Variants in CNTN4 observed in about 807,000 individuals in gnomAD.
The protein encoded by CNTN4 is contactin-4.
CNTN4 carries 77 observed loss-of-function variants against 122.5 expected under a neutral mutation model. The observed-to-expected ratio is 0.63, with a 90% confidence interval of 0.52 to 0.76. The LOEUF (loss-of-function observed/expected upper bound fraction) is 0.76, where lower values mean the gene tolerates loss of function less well. CNTN4 is among the 30% of genes least tolerant of loss of function. The pLI is 0.00. For synonymous variants in CNTN4, 512 were observed against 447.0 expected, an observed-to-expected ratio of 1.15 and a Z score of -1.83; for missense variants, 1,256 against 1,259.1, an observed-to-expected ratio of 1.00 and a Z score of 0.04.
chr3:2,567,124 G>T (rs2079201605), intron 3 of CNTN4, among the ~76,000 whole-genome samples: 1 of 125,008 alleles, frequency 8.0e-6, no homozygotes, highest in East Asian at 2.6e-4. Flanking sequence ...CTTGCTCATT[G>T]TCCAGGCTGG....
chr3:2,203,473 A>T (rs1396116354), intron 2 of CNTN4, among the ~76,000 whole-genome samples: 1 of 152,144 alleles, frequency 6.6e-6, no homozygotes, highest in Non-Finnish European at 1.5e-5. Flanking sequence ...GGAGAAATAG[A>T]TGCTTAAAAA....
At chr3:2,984,534 C>T (rs1194689163) in intron 13 of CNTN4, among the ~76,000 whole-genome samples, 1 of 152,204 alleles carries the variant, frequency 6.6e-6, no homozygotes, top group Non-Finnish European at 1.5e-5. Flanking sequence ...GGTTGGGAAA[C>T]TCTGTCTCAG....
chr3:2,119,307 G>A (rs376597687), intron 2 of CNTN4, among the ~76,000 whole-genome samples: 14 of 152,280 alleles, frequency 9.2e-5, no homozygotes, highest in Admixed American at 1.3e-4. Context: ...CTCTCTCTCC[G>A]TGTATACATC....
intron 7 of CNTN4, among the ~76,000 whole-genome samples, chr3:2,840,066 G>A (rs1250760486): frequency 6.6e-6 from 1 of 152,108 alleles, no homozygotes; most frequent in Non-Finnish European, 1.5e-5. Context: ...CCCAGGTCAA[G>A]CCTCCTCATT....
chr3:2,399,918 A>G (rs2046778305), intron 3 of CNTN4, among the ~76,000 whole-genome samples: 2 of 152,068 alleles, frequency 1.3e-5, no homozygotes, highest in South Asian at 2.1e-4. Context: ...TAACCTCTGC[A>G]TTTTTCTTCA....
intron 3 of CNTN4, among the ~76,000 whole-genome samples, chr3:2,492,690 A>G (rs2076351486): frequency 6.6e-6 from 1 of 152,142 alleles, no homozygotes; most frequent in Non-Finnish European, 1.5e-5. Context: ...TTTTTATTTA[A>G]TCTATTTTTA....
chr3:2,837,960 G>A (rs893547003), intron 7 of CNTN4, among the ~76,000 whole-genome samples: 1 of 152,122 alleles, frequency 6.6e-6, no homozygotes. Flanking sequence ...ATTAATATAA[G>A]TCATCTCATC....
intron 4 of CNTN4, among the ~76,000 whole-genome samples, chr3:2,578,014 G>A (rs2079771137): frequency 1.3e-5 from 2 of 152,152 alleles, no homozygotes; most frequent in African/African-American, 2.4e-5. Flanking sequence ...GGGGCATGTA[G>A]TGGAGAAAGA....
At chr3:2,993,931 C>T (rs1006533441) in intron 14 of CNTN4, among the ~76,000 whole-genome samples, 7 of 152,000 alleles carry the variant, frequency 4.6e-5, no homozygotes, top group South Asian at 2.1e-4. Context: ...AACTTGGATA[C>T]GAGTTGAAAA....
intron 2 of CNTN4, among the ~76,000 whole-genome samples, chr3:2,318,149 C>A (rs2043171645): frequency 6.6e-6 from 1 of 151,196 alleles, no homozygotes; most frequent in Non-Finnish European, 1.5e-5. Flanking sequence ...GATATTGAGG[C>A]CACAGTGTGT....
intron 3 of CNTN4, among the ~76,000 whole-genome samples, chr3:2,480,003 G>C (rs982082444): frequency 6.6e-6 from 1 of 151,770 alleles, no homozygotes; most frequent in Non-Finnish European, 1.5e-5. Context: ...ACATCAGTAG[G>C]CTAAAGAAGA....
intron 7 of CNTN4, among the ~76,000 whole-genome samples, chr3:2,865,148 G>A (rs2093710646): frequency 6.6e-6 from 1 of 152,134 alleles, no homozygotes; most frequent in Non-Finnish European, 1.5e-5. Context: ...CCAGCATGGG[G>A]TTACTTGTAA....
chr3:2,781,527 T>C (rs1317303699), intron 6 of CNTN4, among the ~76,000 whole-genome samples: 1 of 152,000 alleles, frequency 6.6e-6, no homozygotes, highest in Non-Finnish European at 1.5e-5. Context: ...CACATATAGG[T>C]GACTATGGCC....
At chr3:2,567,759 G>T (rs889291699) in intron 3 of CNTN4, among the ~76,000 whole-genome samples, 1 of 152,068 alleles carries the variant, frequency 6.6e-6, no homozygotes, top group Non-Finnish European at 1.5e-5. Context: ...TGTTTTCCTT[G>T]TCACTTGGCT....
intron 3 of CNTN4, among the ~76,000 whole-genome samples, chr3:2,444,379 A>G (rs1043639375): frequency 3.3e-5 from 5 of 152,176 alleles, no homozygotes; most frequent in African/African-American, 1.2e-4. Flanking sequence ...GAAGGGATGC[A>G]GAGCCAGGAA....
chr3:2,988,329 T>C lies in CNTN4; in HGVS notation c.1359-16T>C, dbSNP rs1268823076. ...GATAAATTTCACCATTTTTGGTTCA[T>C]TTACTTTGATTTCAGAATTACCATT... On this transcript the variant is annotated splice_polypyrimidine_tract_variant and intron_variant, in intron 13 of 24. Coordinates refer to ENST00000418658, the MANE Select transcript of CNTN4 (RefSeq NM_175607.3). 1.3e-5 allele frequency: 21 copies of C among 1,613,080 alleles called. No homozygotes were observed. Among genetic ancestry groups the C allele is most frequent in the Non-Finnish European group, 1.7e-5 (20 of 1,179,366 alleles).
chr3:2,409,050 C>T (rs1387950315), intron 3 of CNTN4, among the ~76,000 whole-genome samples: 1 of 151,908 alleles, frequency 6.6e-6, no homozygotes, highest in Non-Finnish European at 1.5e-5. Flanking sequence ...TTTACATTTG[C>T]GTTGTTGAAG....
intron 4 of CNTN4, among the ~76,000 whole-genome samples, chr3:2,729,998 G>A (rs1357731068): frequency 6.6e-6 from 1 of 152,164 alleles, no homozygotes; most frequent in Non-Finnish European, 1.5e-5. Context: ...CTGATAATTA[G>A]AATCCAGTAG....
intron 2 of CNTN4, among the ~76,000 whole-genome samples, chr3:2,113,673 C>T (rs2033130507): frequency 6.6e-6 from 1 of 151,966 alleles, no homozygotes; most frequent in South Asian, 2.1e-4. Context: ...AAATGATGAT[C>T]AGAGTCTATA....
Sources: allele counts gnomAD v4.1 joint callset (sites outside exome capture counted in the v4.1 genomes callset), GRCh38; gene constraint gnomAD v4.1.1; transcripts MANE v1.5; gene names NCBI Gene and HGNC (gene_info 2026-07-23, HGNC 2026-07-21).